The following KHDRBS2 variants were observed in gnomAD, a reference collection of about 807,000 sequenced individuals.
KHDRBS2 encodes KH RNA binding domain containing, signal transduction associated 2.
KHDRBS2 carries 26 observed loss-of-function variants against 44.3 expected under a neutral mutation model. The observed-to-expected ratio is 0.59, with a 90% CI of 0.43 to 0.81. The LOEUF (loss-of-function observed/expected upper bound fraction) is 0.81. KHDRBS2 is among the 40% of genes least tolerant of loss of function. The probability of loss-of-function intolerance (pLI) is 0.00; values close to 1 mark genes in which losing one functional copy is unlikely to be tolerated. For missense variants in KHDRBS2, 476 were observed against 433.1 expected, an observed-to-expected ratio of 1.10 and a Z score of -0.88; for synonymous variants, 194 against 151.1, an observed-to-expected ratio of 1.28 and a Z score of -2.08.
intron 6 of KHDRBS2, among the ~76,000 whole-genome samples, chr6:61,794,422 C>A (rs1785034243): frequency 1.3e-5 from 2 of 152,158 alleles, no homozygotes; most frequent in Admixed American, 6.5e-5. Context: ...TTTTCTATGG[C>A]ATGTTAGCCA....
chr6:61,720,991 A>G (rs534796887), intron 7 of KHDRBS2, among the ~76,000 whole-genome samples: 1 of 151,044 alleles, frequency 6.6e-6, no homozygotes, highest in Admixed American at 6.6e-5. Context: ...TCAGCTTTCT[A>G]CATATGGCTA....
In KHDRBS2 at chr6:62,001,990, C is replaced by A. The variant is rs189898987; in HGVS notation, c.337-23778G>T. On this transcript the variant is annotated intron_variant, in intron 3 of 8. Transcript: ENST00000281156. Reference sequence around the variant, plus strand: ...GATCAAAGGGAAAATTAAATTTTAGCGTTATGACACTGTACTCACTTTAGC... The same window carrying A: ...GATCAAAGGGAAAATTAAATTTTAGAGTTATGACACTGTACTCACTTTAGC... 7.2e-4 allele frequency among the ~76,000 whole-genome samples: 110 copies of A among 152,142 alleles called. 1 individual carries two copies. Among genetic ancestry groups the A allele is most frequent in the African/African-American group, 2.5e-3 (102 of 41,538 alleles).
intron 3 of KHDRBS2, among the ~76,000 whole-genome samples, chr6:61,983,979 C>T (rs9445749): frequency 0.096 from 14,658 of 152,154 alleles, 1,617 homozygotes; most frequent in African/African-American, 0.27. Context: ...TACCACCCTC[C>T]TCACTTGGAA....
intron 1 of KHDRBS2, among the ~76,000 whole-genome samples, chr6:62,277,127 T>C (rs1380007718): frequency 6.6e-6 from 1 of 152,136 alleles, no homozygotes; most frequent in Non-Finnish European, 1.5e-5. Flanking sequence ...TGACTTTCTC[T>C]GAATTCCTAT....
At chr6:61,658,969 T>C in the KHDRBS2 span, 2 of 151,924 alleles carry the variant, frequency 1.3e-5, no homozygotes, top group Non-Finnish European at 2.9e-5. Context: ...ATTGATATTC[T>C]TTATACAGTC....
intron 6 of KHDRBS2, among the ~76,000 whole-genome samples, chr6:61,789,695 C>T (rs1242789215): frequency 6.6e-6 from 1 of 151,400 alleles, no homozygotes. Flanking sequence ...TCCTAAATGA[C>T]TTGTGAATAG....
At chr6:62,081,679 T>C (rs1262104851) in intron 2 of KHDRBS2, among the ~76,000 whole-genome samples, 3 of 152,106 alleles carry the variant, frequency 2.0e-5, no homozygotes, top group Non-Finnish European at 2.9e-5. Flanking sequence ...CCAGAACATA[T>C]CTTTATGTAA....
At chr6:61,889,546 G>T (rs1801490506) in intron 6 of KHDRBS2, among the ~76,000 whole-genome samples, 1 of 133,062 alleles carries the variant, frequency 7.5e-6, no homozygotes. Context: ...GATGATTTTT[G>T]CAGTACACTT....
At chr6:62,048,159 A>ACACACAC (rs1386673344) in intron 2 of KHDRBS2, among the ~76,000 whole-genome samples, 165 bp from the exon 3 acceptor site, 5 of 92,146 alleles carry the variant, frequency 5.4e-5, no homozygotes, top group African/African-American at 2.1e-4. Flanking sequence ...CACACACACA[A>ACACACAC]ACCCCAAACC....
chr6:61,570,505 T>C, the KHDRBS2 span, among the ~76,000 whole-genome samples: 1 of 152,124 alleles, frequency 6.6e-6, no homozygotes, highest in African/African-American at 2.4e-5. Flanking sequence ...GAGGGAATGA[T>C]TGAGGAAAAC....
chr6:61,598,837 CTTTT>C, the KHDRBS2 span, among the ~76,000 whole-genome samples: 1,899 of 65,468 alleles, frequency 0.029, 39 homozygotes, highest in African/African-American at 0.095. Context: ...TTTTTCTTTT[CTTTT>C]TTTTTTTTTT....
At chr6:62,117,970 T>C (rs1806676352) in intron 2 of KHDRBS2, among the ~76,000 whole-genome samples, 1 of 152,090 alleles carries the variant, frequency 6.6e-6, no homozygotes, top group African/African-American at 2.4e-5. Flanking sequence ...GAGATGGGGT[T>C]TCCCAACGTT....
At chr6:61,573,273 A>T in the KHDRBS2 span, among the ~76,000 whole-genome samples, 8 of 152,308 alleles carry the variant, frequency 5.3e-5, no homozygotes, top group African/African-American at 1.9e-4. Context: ...GAAGTAAAAG[A>T]TCTCTACAAG....
intron 6 of KHDRBS2, among the ~76,000 whole-genome samples, chr6:61,769,471 C>T (rs188318862): frequency 5.8e-4 from 89 of 152,284 alleles, no homozygotes; most frequent in African/African-American, 5.1e-4. Flanking sequence ...CCTAATACTG[C>T]GCTTTTCCAA....
chr6:61,920,965 T>A (rs981015670), intron 4 of KHDRBS2, among the ~76,000 whole-genome samples: 1 of 151,846 alleles, frequency 6.6e-6, no homozygotes, highest in African/African-American at 2.4e-5. Context: ...AAATAGCTAT[T>A]CAGGGAAAGG....
rs557101925 is a variant in KHDRBS2 at position 62,112,868 on chromosome 6, A to G, written c.219+64317T>C. Among the ~76,000 whole-genome samples the G allele has an allele frequency of 1.1e-4, 16 of 152,242 alleles. No homozygotes were observed. The South Asian group carries it at 3.3e-3, about 32-fold the overall frequency. On this transcript the variant is annotated intron_variant, in intron 2 of 8. Transcript: ENST00000281156. ...TCTTTAGCTAGTGATCTTCCCTGGA[A>G]TTATCATGTAGGTGAAAAGATTTCA...
At chr6:62,109,685 TAAG>T (rs1804539533) in intron 2 of KHDRBS2, among the ~76,000 whole-genome samples, 1 of 151,832 alleles carries the variant, frequency 6.6e-6, no homozygotes, top group African/African-American at 2.4e-5. Flanking sequence ...CTAAAAATGT[TAAG>T]AATAGTCTTT....
intron 2 of KHDRBS2, among the ~76,000 whole-genome samples, chr6:62,107,895 A>G (rs1026670972): frequency 2.6e-5 from 4 of 152,216 alleles, no homozygotes; most frequent in East Asian, 1.9e-4. Flanking sequence ...AGCCATATGT[A>G]GAAAGCTGAA....
the KHDRBS2 span, among the ~76,000 whole-genome samples, chr6:61,552,298 A>G: frequency 6.6e-6 from 1 of 151,662 alleles, no homozygotes; most frequent in Admixed American, 6.6e-5. Context: ...TGCATTTTTG[A>G]TTTGGCTGCC....
Sources: allele counts gnomAD v4.1 joint callset (sites outside exome capture counted in the v4.1 genomes callset), GRCh38; gene constraint gnomAD v4.1.1; transcripts MANE v1.5; gene names NCBI Gene and HGNC (gene_info 2026-07-23, HGNC 2026-07-21).